Variants in CFTR observed in about 807,000 individuals in gnomAD.
CFTR encodes cystic fibrosis transmembrane conductance regulator.
Under a neutral mutation model 171.6 loss-of-function variants are expected in CFTR, and 181 were observed. The observed-to-expected ratio is 1.05, with a 90% CI of 0.93 to 1.19. CFTR has a LOEUF of 1.19. Among genes scored for constraint, CFTR ranks in the 50% most tolerant of loss-of-function variants. The probability of loss-of-function intolerance (pLI) is 0.00; values close to 1 mark genes in which losing one functional copy is unlikely to be tolerated. For missense variants in CFTR, 1,968 were observed against 1,734.7 expected, an observed-to-expected ratio of 1.13 and a Z score of -2.39; for synonymous variants, 583 against 608.0, an observed-to-expected ratio of 0.96 and a Z score of 0.60.
At chr7:117,663,676 A>G (rs1206755445) in intron 24 of CFTR, among the ~76,000 whole-genome samples, 1 of 152,158 alleles carries the variant, frequency 6.6e-6, no homozygotes, top group Non-Finnish European at 1.5e-5. Context: ...TGAAATCATA[A>G]GATTCTTTCT....
chr7:117,540,083 G>T lies in CFTR; in HGVS notation c.870-17G>T. On this transcript the variant is annotated splice_polypyrimidine_tract_variant and intron_variant, in intron 7 of 26. Coordinates refer to ENST00000003084, the MANE Select transcript of CFTR (RefSeq NM_000492.4). ...ATAAAATAACATCCTGAATTTTATT[G>T]TTATTGTTTTTTATAGAACAGAACT... 1.2e-6 allele frequency: 2 copies of T among 1,603,618 alleles called. No individual in the cohort carries two copies. The highest frequency in any genetic ancestry group is 2.2e-5 in the East Asian group (1 of 44,766).
intron 15 of CFTR, among the ~76,000 whole-genome samples, chr7:117,600,929 T>G (rs1792214492): frequency 6.6e-6 from 1 of 152,080 alleles, no homozygotes; most frequent in African/African-American, 2.4e-5. Context: ...GAAAATATTT[T>G]GTTCTACTCA....
At chr7:117,660,346 T>C (rs1793252236) in intron 24 of CFTR, among the ~76,000 whole-genome samples, 1 of 152,054 alleles carries the variant, frequency 6.6e-6, no homozygotes, top group East Asian at 1.9e-4. Context: ...AAGATTATAT[T>C]GGGGGCAGGA....
chr7:117,608,614 C>T (rs1381051721), intron 18 of CFTR, among the ~76,000 whole-genome samples: 1 of 152,108 alleles, frequency 6.6e-6, no homozygotes, highest in Non-Finnish European at 1.5e-5. Flanking sequence ...AAGAGAGTCT[C>T]ATATTAAGGA....
At chr7:117,490,732 G>C (rs987269636) in intron 1 of CFTR, among the ~76,000 whole-genome samples, 2 of 152,066 alleles carry the variant, frequency 1.3e-5, no homozygotes, top group African/African-American at 2.4e-5. Context: ...TAAATGGTAA[G>C]CACTGTTATC....
Position 117,640,097 on chromosome 7 carries a change from T to C in CFTR, c.3718-2341T>C, listed in dbSNP as rs576452323. ...CCAACATTCTCAGGGAGGAGGTGCA[T>C]TGAAGTTATTAGAAAACACTGACTT... is the stretch of plus-strand genomic sequence containing the variant. On this transcript the variant is annotated intron_variant, in intron 22 of 26. Coordinates refer to ENST00000003084, the MANE Select transcript of CFTR (RefSeq NM_000492.4). Among the ~76,000 whole-genome samples the C allele has an allele frequency of 2.0e-5, 3 of 152,298 alleles. No homozygotes were observed. In the South Asian group the frequency reaches 6.2e-4, roughly 32 times the overall value.
chr7:117,585,201 C>A (rs1473570733), intron 11 of CFTR, among the ~76,000 whole-genome samples: 1 of 151,734 alleles, frequency 6.6e-6, no homozygotes, highest in African/African-American at 2.4e-5. Flanking sequence ...CCTCTGCACA[C>A]ATTTATTTAT....
intron 11 of CFTR, among the ~76,000 whole-genome samples, chr7:117,581,446 G>A (rs2116000541): frequency 6.6e-6 from 1 of 152,000 alleles, no homozygotes; most frequent in South Asian, 2.1e-4. Context: ...CTCTATTCAA[G>A]GATAAATGGA....
At chr7:117,612,007 A>ATATATATATATATATT in intron 20 of CFTR, among the ~76,000 whole-genome samples, 199 bp downstream of exon 20, 1 of 70,358 alleles carries the variant, frequency 1.4e-5, no homozygotes, top group Non-Finnish European at 2.3e-5. Context: ...TTGAAATCGG[A>ATATATATATATATATT]TATATATATA....
In CFTR at chr7:117,632,711, G is replaced by T. The variant is rs193273640; in HGVS notation, c.3717+4941G>T. 4.9e-3 allele frequency among the ~76,000 whole-genome samples: 745 copies of T among 152,292 alleles called. 5 individuals carry two copies. The highest frequency in any genetic ancestry group is 8.3e-3 in the Non-Finnish European group (565 of 68,012). ...GCTATGTAGAACACTAGTGTTGGTG[G>T]CAGGAAGTAGAAAGCAAGAGCACTG... On this transcript the variant is annotated intron_variant, in intron 22 of 26. Transcript: ENST00000003084.
chr7:117,481,157 A>G (rs952007132), intron 1 of CFTR, among the ~76,000 whole-genome samples: 4 of 152,242 alleles, frequency 2.6e-5, no homozygotes, highest in Non-Finnish European at 5.9e-5. Flanking sequence ...CTGCATGTGC[A>G]GTTAATCCTG....
At chr7:117,552,751 T>C (rs1452110370) in intron 10 of CFTR, among the ~76,000 whole-genome samples, 1 of 152,128 alleles carries the variant, frequency 6.6e-6, no homozygotes, top group Non-Finnish European at 1.5e-5. Context: ...CACCTCTCTT[T>C]TTATGTAACA....
chr7:117,487,924 A>G (rs781641685), intron 1 of CFTR: 1 of 152,180 alleles, frequency 6.6e-6, no homozygotes, highest in Non-Finnish European at 1.5e-5. Context: ...AATGAAGCCT[A>G]TGTTGGCTGG....
chr7:117,650,953 C>T (rs911765658), intron 23 of CFTR, among the ~76,000 whole-genome samples: 1 of 152,100 alleles, frequency 6.6e-6, no homozygotes, highest in Non-Finnish European at 1.5e-5. Context: ...GACAAACACT[C>T]CTGTGTTTGA....
chr7:117,548,865 T>A (rs367758627), intron 10 of CFTR, 42 bp downstream of exon 10: 2 of 1,575,050 alleles, frequency 1.3e-6, no homozygotes, highest in South Asian at 1.2e-5. Flanking sequence ...TAATTTGGTG[T>A]CCATGTCTCT....
intron 4 of CFTR, among the ~76,000 whole-genome samples, chr7:117,531,475 T>G (rs776541952): frequency 2.0e-5 from 3 of 152,118 alleles, no homozygotes; most frequent in Non-Finnish European, 4.4e-5. Flanking sequence ...TATCTTTATG[T>G]TCAGCAAGAA....
chr7:117,504,269 T>G lies in CFTR; in HGVS notation c.70T>G (p.Leu24Val), dbSNP rs1056986309. Residue 24 changes from leucine (L) to valine (V), a missense_variant, in exon 2 of 27, where the codon TTG becomes GTG. By Grantham distance (32) the Leu-to-Val change is conservative. Transcript: ENST00000003084. Reference sequence around the variant, plus strand: ...TTATTTTAGCTGGACCAGACCAATTTTGAGGAAAGGATACAGACAGCGCCT... The same window carrying G: ...TTATTTTAGCTGGACCAGACCAATTGTGAGGAAAGGATACAGACAGCGCCT... The part of the protein sequence containing the change: ...KLFFSWTRPI[L>V]RKGYRQRLEL... 24 of 1,608,678 alleles carry G rather than the reference T, an allele frequency of 1.5e-5. No homozygotes were observed. The highest frequency in any genetic ancestry group is 2.0e-5 in the Non-Finnish European group (24 of 1,175,264).
intron 1 of CFTR, among the ~76,000 whole-genome samples, chr7:117,483,944 C>CCA (rs1798035388): frequency 6.6e-6 from 1 of 152,088 alleles, no homozygotes; most frequent in Non-Finnish European, 1.5e-5. Context: ...TAAAATTATA[C>CCA]TATGAAAGAT....
At chr7:117,546,402 A>G (rs1249327391) in intron 9 of CFTR, among the ~76,000 whole-genome samples, 3 of 152,246 alleles carry the variant, frequency 2.0e-5, no homozygotes, top group East Asian at 3.9e-4. Context: ...CCCCAAGTGC[A>G]GGGATTACAG....
Sources: allele counts gnomAD v4.1 joint callset (sites outside exome capture counted in the v4.1 genomes callset), GRCh38; gene constraint gnomAD v4.1.1; transcripts MANE v1.5; gene names NCBI Gene and HGNC (gene_info 2026-07-23, HGNC 2026-07-21).